Variants in NPAS2 observed in about 807,000 individuals in gnomAD.
NPAS2 encodes neuronal PAS domain-containing protein 2.
A neutral mutation model predicts 107.5 loss-of-function variants in NPAS2; 23 were observed. That is an observed-to-expected ratio of 0.21 (90% confidence interval 0.15 to 0.30). The LOEUF (loss-of-function observed/expected upper bound fraction) is 0.30, where lower values mean the gene tolerates loss of function less well. NPAS2 is among the 10% of genes least tolerant of loss of function. The pLI, the probability that NPAS2 is intolerant of heterozygous loss-of-function variation, is 1.00. For missense variants in NPAS2, 756 were observed against 1,043.3 expected (o/e 0.72, Z 3.79); for synonymous variants, 403 against 417.5 (o/e 0.97, Z 0.42).
At chr2:100,951,862 AATG>A (rs1434090750) in intron 7 of NPAS2, among the ~76,000 whole-genome samples, 1 of 152,100 alleles carries the variant, frequency 6.6e-6, no homozygotes, top group Non-Finnish European at 1.5e-5. Context: ...ATTTTTAAAA[AATG>A]ATGGCCAGGC....
At chr2:100,918,640 G>T (rs1267227103) in intron 2 of NPAS2, among the ~76,000 whole-genome samples, 1 of 152,158 alleles carries the variant, frequency 6.6e-6, no homozygotes, top group Non-Finnish European at 1.5e-5. Flanking sequence ...CAAAAAAAGT[G>T]AAAAGATGTC....
chr2:100,835,849 CAT>C, intron 1 of NPAS2, among the ~76,000 whole-genome samples: 1 of 152,274 alleles, frequency 6.6e-6, no homozygotes. Context: ...CACCCCAAAA[CAT>C]ATCCTCCTGC....
intron 1 of NPAS2, among the ~76,000 whole-genome samples, chr2:100,869,900 C>CTTTTTTTTTTTTTTTTTTTTTTTTT (rs34489501): frequency 1.2e-5 from 1 of 82,468 alleles, no homozygotes. Context: ...CTCCTGACTT[C>CTTTTTTTTTTTTTTTTTTTTTTTTT]TTTTTTTTTT....
chr2:100,827,820 A>G (rs898466661), intron 1 of NPAS2, among the ~76,000 whole-genome samples: 15 of 152,202 alleles, frequency 9.9e-5, no homozygotes, highest in African/African-American at 3.6e-4. Context: ...CATGTCCAGT[A>G]GACATGGACA....
intron 1 of NPAS2, among the ~76,000 whole-genome samples, chr2:100,835,012 G>A (rs1039078154): frequency 2.6e-5 from 4 of 152,140 alleles, no homozygotes; most frequent in African/African-American, 4.8e-5. Flanking sequence ...ACTGCGCCTG[G>A]CCCCTTTATC....
rs1676167075 is a variant in NPAS2, at chr2:100,965,602, G to A, written c.801-58G>A. ...TCATTATGGAAAGGCATGGCCACCA[G>A]GGTGAGCCCTGCAGGGTGTCTCCTC... On this transcript the variant is annotated intron_variant, in intron 9 of 20. Coordinates refer to ENST00000335681, the MANE Select transcript of NPAS2 (RefSeq NM_002518.4). The surrounding 1 kb of genome is among the most constrained non-coding windows in gnomAD (Gnocchi z 4.3). 1.8e-6 allele frequency: 2 copies of A among 1,113,532 alleles called. No individual in the cohort carries two copies. Among genetic ancestry groups the A allele is most frequent in the African/African-American group, 3.1e-5 (2 of 64,370 alleles). The allele number at this position is 1,113,532 out of a possible 1,614,324, so 69.0% of individuals were successfully genotyped here.
At chr2:100,939,280 T>A (rs1299736212) in intron 5 of NPAS2, among the ~76,000 whole-genome samples, 1 of 152,222 alleles carries the variant, frequency 6.6e-6, no homozygotes, top group African/African-American at 2.4e-5. Context: ...AGCAGATGCC[T>A]TCCCAGTAGG....
intron 2 of NPAS2, among the ~76,000 whole-genome samples, chr2:100,915,004 G>A (rs1008048703): frequency 6.6e-6 from 1 of 152,178 alleles, no homozygotes; most frequent in Admixed American, 6.5e-5. Flanking sequence ...ACAGAGAGAG[G>A]ACCAGGAGCT....
intron 4 of NPAS2, chr2:100,934,736 G>A (rs1684190314): frequency 1.0e-6 from 1 of 963,426 alleles, no homozygotes; most frequent in Non-Finnish European, 1.2e-6. Context: ...CCTCCCTGGT[G>A]GCCTGAGCCC....
chr2:100,904,894 T>C (rs969207485), intron 2 of NPAS2, 108 bp downstream of exon 2: 10 of 748,440 alleles, frequency 1.3e-5, no homozygotes, highest in South Asian at 6.3e-5. Context: ...ACCAGCAAGA[T>C]AGGCAGCTGT....
In NPAS2 at chr2:100,974,854, G is replaced by A. The variant is rs774483099; in HGVS notation, c.1192G>A (p.Gly398Ser). ...PRQHFNTLDVGASGLNTSHSP... is the reference protein window; with the variant it reads ...PRQHFNTLDVSASGLNTSHSP... ...GCAGCACTTTAACACACTCGACGTG[G>A]GTGCCTCGGGCCTTAATACCAGTCA... The change falls in exon 13 of 21, where the codon GGT becomes AGT. Residue 398 changes from glycine (G) to serine (S), a missense_variant. By Grantham distance (56) the Gly-to-Ser change is moderately conservative. Coordinates refer to ENST00000335681, the MANE Select transcript of NPAS2 (RefSeq NM_002518.4). 6.2e-7 allele frequency: 1 copy of A among 1,614,108 alleles called. No individual in the cohort carries two copies. Among genetic ancestry groups the A allele is most frequent in the South Asian group, 1.1e-5 (1 of 91,086 alleles).
chr2:100,898,991 G>A (rs559981303), intron 1 of NPAS2, among the ~76,000 whole-genome samples: 9 of 152,200 alleles, frequency 5.9e-5, no homozygotes, highest in Admixed American at 2.0e-4. Context: ...TCAAAAACCC[G>A]TATTCTGAGC....
chr2:100,933,068 G>C (rs1311792235), intron 4 of NPAS2, 67 bp downstream of exon 4: 6 of 1,192,362 alleles, frequency 5.0e-6, no homozygotes, highest in Non-Finnish European at 5.0e-6. Context: ...TTGCAGATAA[G>C]TCCCTGTACC....
chr2:100,865,381 T>G (rs952623797), intron 1 of NPAS2, among the ~76,000 whole-genome samples: 2 of 152,112 alleles, frequency 1.3e-5, no homozygotes, highest in African/African-American at 2.4e-5. Flanking sequence ...TAGCCTGGAC[T>G]CCTGTCTGCT....
At chr2:100,863,911 T>A (rs1308949173) in intron 1 of NPAS2, among the ~76,000 whole-genome samples, 1 of 152,208 alleles carries the variant, frequency 6.6e-6, no homozygotes, top group African/African-American at 2.4e-5. Context: ...TATAAGCTTT[T>A]GACCTAAAGC....
chr2:100,821,305 C>G, intron 1 of NPAS2: 1 of 959,898 alleles, frequency 1.0e-6, no homozygotes, highest in South Asian at 1.6e-5. Context: ...TCCACAAAGT[C>G]TAAACACTCC....
chr2:100,857,635 G>T (rs570899980), intron 1 of NPAS2, among the ~76,000 whole-genome samples: 53 of 152,356 alleles, frequency 3.5e-4, no homozygotes, highest in African/African-American at 1.2e-3. Context: ...CTGCCTCCAA[G>T]AGTGGGAGCC....
chr2:100,947,407 C>T (rs1003733052), intron 5 of NPAS2, among the ~76,000 whole-genome samples: 18 of 152,100 alleles, frequency 1.2e-4, no homozygotes, highest in African/African-American at 2.4e-4. Context: ...AAAAATTAGC[C>T]GGCCATGGTG....
chr2:100,869,214 G>A (rs988978213), intron 1 of NPAS2, among the ~76,000 whole-genome samples: 2 of 152,130 alleles, frequency 1.3e-5, no homozygotes, highest in Non-Finnish European at 2.9e-5. Flanking sequence ...GGGATTACAG[G>A]CGTGAGCCAC....
Sources: gnomAD v4.1 joint callset for allele counts (sites outside exome capture counted in the v4.1 genomes callset) on GRCh38, gnomAD v4.1.1 for gene constraint, Gnocchi (gnomAD v3.1) non-coding constraint, MANE v1.5 for transcripts, NCBI Gene and HGNC (gene_info 2026-07-23, HGNC 2026-07-21) for gene names.